RALGDS: variants seen among roughly 807,000 people sequenced by gnomAD.
The protein encoded by RALGDS is ral guanine nucleotide dissociation stimulator, also known as ral guanine nucleotide exchange factor.
Under a neutral mutation model 99.8 loss-of-function variants are expected in RALGDS, and 44 were observed. That is an observed-to-expected ratio of 0.44 (90% CI 0.35 to 0.57). The LOEUF is 0.57. Ranked by LOEUF, RALGDS falls within the 20% of genes least tolerant of loss-of-function variation. The probability of loss-of-function intolerance (pLI) is 0.01; values close to 1 mark genes in which losing one functional copy is unlikely to be tolerated. For synonymous variants in RALGDS, 529 were observed against 505.0 expected (o/e 1.05, Z -0.64); for missense variants, 1,022 against 1,203.1 (o/e 0.85, Z 2.23).
At chr9:133,106,947 G>T in intron 7 of RALGDS, 138 bp downstream of exon 7, 1 of 1,016,466 alleles carries the variant, frequency 9.8e-7, no homozygotes, top group Non-Finnish European at 1.5e-6. Flanking sequence ...TGAGCATCCA[G>T]GCAGTGGGCT....
chr9:133,123,334 C>T (rs1203921828), upstream of RALGDS, among the ~76,000 whole-genome samples: 1 of 152,178 alleles, frequency 6.6e-6, no homozygotes, highest in Non-Finnish European at 1.5e-5. Flanking sequence ...AGCGCCCACC[C>T]GTTTTATAGC....
At chr9:133,120,943 C>T in intron 1 of RALGDS, 29 bp downstream of exon 1, 1 of 1,473,386 alleles carries the variant, frequency 6.8e-7, no homozygotes, top group Non-Finnish European at 9.0e-7. Context: ...TCCGACGCAC[C>T]CCCCGCCCGA....
At chr9:133,141,006 C>T (rs564158111) in intron 1 of RALGDS, among the ~76,000 whole-genome samples, 7 of 152,290 alleles carry the variant, frequency 4.6e-5, no homozygotes, top group South Asian at 2.1e-4. Context: ...AGTGAACATA[C>T]GAGCCCAGTA....
intron 6 of RALGDS, 46 bp downstream of exon 6, chr9:133,107,942 G>T: frequency 1.2e-6 from 2 of 1,606,744 alleles, no homozygotes; most frequent in Non-Finnish European, 1.7e-6. Flanking sequence ...AGCAGATGCT[G>T]CCAGAAGGCA....
intron 8 of RALGDS, 81 bp from the exon 9 acceptor site, chr9:133,106,097 C>T (rs1831038150): frequency 9.0e-7 from 1 of 1,107,970 alleles, no homozygotes; most frequent in African/African-American, 1.6e-5. Context: ...TATTTTAGAG[C>T]TGAAAGACCC....
intron 1 of RALGDS, 31 bp downstream of exon 1, chr9:133,120,941 A>AC (rs956777386): frequency 1.0e-5 from 15 of 1,465,150 alleles, no homozygotes; most frequent in Admixed American, 4.7e-5. Context: ...GCTCCGACGC[A>AC]CCCCCCGCCC....
At position 133,108,415 on chromosome 9, in the gene RALGDS, G is replaced by A. The variant is rs1278504659; in HGVS notation, c.779-9C>T. Reference sequence around the variant, plus strand: ...TGGCACTGGTGACAGAGCTGCAAGAGGAGAAAAGTTCAACAACATGCCAGC... The same window carrying A: ...TGGCACTGGTGACAGAGCTGCAAGAAGAGAAAAGTTCAACAACATGCCAGC... On this transcript the variant is annotated splice_polypyrimidine_tract_variant and intron_variant, in intron 5 of 17. Transcript: ENST00000372050. 6.5e-7 allele frequency: 1 copy of A among 1,535,412 alleles called. No individual in the cohort carries two copies.
At chr9:133,120,428 A>ACCC (rs71378548) in intron 1 of RALGDS, among the ~76,000 whole-genome samples, 817 of 59,912 alleles carry the variant, frequency 0.014, 5 homozygotes, top group Non-Finnish European at 0.018. Context: ...CCATCCCCCG[A>ACCC]CCCCCCCCCC....
Position 133,106,582 on chromosome 9 carries a change from G to A in RALGDS, c.1517+63C>T, listed in dbSNP as rs1831069111. On this transcript the variant is annotated intron_variant, in intron 8 of 17. Transcript: ENST00000372050. ...GTGGCCTCCCATGGGCTCACTAAGG[G>A]GGTGATGCCAGCCCTGTGGGAGGTC... 1.9e-5 allele frequency: 25 copies of A among 1,291,546 alleles called. 2 individuals carry two copies. The South Asian group carries it at 3.0e-4, about 16-fold the overall frequency. 80.0% of individuals were successfully genotyped at this position (1,291,546 alleles called of 1,614,324 possible).
upstream of RALGDS, among the ~76,000 whole-genome samples, chr9:133,122,034 TGA>T (rs2119220248): frequency 6.6e-6 from 1 of 152,272 alleles, no homozygotes; most frequent in African/African-American, 2.4e-5. Context: ...AGGTTGGGGC[TGA>T]GAGGCATCTG....
rs111821340 is a variant in RALGDS at position 133,142,803 on chromosome 9, C to T, written c.18+6160G>A. 7.9e-3 allele frequency among the ~76,000 whole-genome samples: 1,198 copies of T among 152,362 alleles called. 14 individuals are homozygous for T. Among genetic ancestry groups the T allele is most frequent in the African/African-American group, 0.027 (1,129 of 41,586 alleles). On this transcript the variant is annotated intron_variant, in intron 1 of 17. Coordinates refer to the RALGDS transcript ENST00000393160. ...GCCGCCATTAACCACCACTTGGGGC[C>T]TAGGGCCTCCCAGCCCCGCCCTGCC...
chr9:133,127,652 G>A (rs751213721), intron 1 of RALGDS, among the ~76,000 whole-genome samples: 1 of 152,202 alleles, frequency 6.6e-6, no homozygotes, highest in African/African-American at 2.4e-5. Flanking sequence ...CCGGCACAGC[G>A]GGCGGGCCTG....
intron 1 of RALGDS, among the ~76,000 whole-genome samples, chr9:133,145,581 C>G (rs556248082): frequency 2.2e-4 from 34 of 152,240 alleles, no homozygotes; most frequent in African/African-American, 7.0e-4. Flanking sequence ...TGAGGGGAGA[C>G]AAGGGGCACT....
At chr9:133,104,092 G>A (rs1479390880) in intron 10 of RALGDS, among the ~76,000 whole-genome samples, 171 bp downstream of exon 10, 9 of 152,168 alleles carry the variant, frequency 5.9e-5, no homozygotes, top group South Asian at 2.1e-4. Context: ...CTGTCCTTTC[G>A]TGGCTGCAGC....
intron 2 of RALGDS, among the ~76,000 whole-genome samples, chr9:133,111,084 T>A (rs894149228): frequency 1.3e-5 from 2 of 152,030 alleles, no homozygotes; most frequent in South Asian, 4.1e-4. Context: ...AGTGAAAAAA[T>A]TTTTAAAGTA....
Position 133,121,147 on chromosome 9 carries a change from T to C in RALGDS, c.8A>G (p.Gln3Arg), listed in dbSNP as rs1316541972. 8.3e-6 allele frequency: 11 copies of C among 1,331,996 alleles called. No individual in the cohort carries two copies. The highest frequency in any genetic ancestry group is 6.4e-5 in the African/African-American group (4 of 62,972). 82.5% of individuals were successfully genotyped at this position (1,331,996 alleles called of 1,614,324 possible). Residue 3 changes from glutamine (Q) to arginine (R), a missense_variant, in exon 1 of 18, where the codon CAG (glutamine) becomes CGG (arginine). Coordinates refer to ENST00000372050, the MANE Select transcript of RALGDS (RefSeq NM_006266.4). MV[Q>R]RMWAEAAGPA... ...CCCGGCCGCCTCGGCCCACATGCGC[T>C]GCACCATGGAAGGCTCGCAGCGCGG...
chr9:133,098,637 G>T lies in RALGDS; in HGVS notation c.2695C>A (p.Leu899Ile). ...VKVKHGASST[L>I]PRMKQKGLKI... is the part of the protein sequence containing the mutation. ...AGTCCTTTCTGCTTCATGCGAGGGA[G>T]GGTGGAGCTGGCTCCGTGCTTGACC... The change falls in exon 18 of 18, where the codon CTC (leucine) becomes ATC (isoleucine). Residue 899 changes from leucine (L) to isoleucine (I), a missense_variant. Physicochemically the swap from Leu to Ile is conservative, Grantham distance 5 (BLOSUM62 2). This residue lies in a region of RALGDS where 825 missense variants were observed against 994.5 expected (regional missense o/e 0.83). Transcript: ENST00000372050. 1 of 1,614,190 alleles carries T rather than the reference G, an allele frequency of 6.2e-7. No homozygotes were observed. The highest frequency in any genetic ancestry group is 8.5e-7 in the Non-Finnish European group (1 of 1,180,036).
Position 133,100,564 on chromosome 9 carries a change from C to T in RALGDS, c.2455-182G>A, listed in dbSNP as rs569658872. On this transcript the variant is annotated intron_variant, in intron 16 of 17. Transcript: ENST00000372050. ...TCTCCTACTCCCCAAGTGAGGCCTC[C>T]GTCCTTCTGTTCCCCATGTGAGGCC... 1.5e-4 allele frequency: 225 copies of T among 1,468,490 alleles called. No individual in the cohort carries two copies. In the African/African-American group the frequency reaches 2.5e-3, roughly 16 times the overall value. 91.0% of individuals were successfully genotyped at this position (1,468,490 alleles called of 1,614,324 possible). A position where few individuals can be genotyped will look rare whatever the true frequency, so the allele number is the denominator to read the frequency against.
intron 1 of RALGDS, among the ~76,000 whole-genome samples, chr9:133,126,298 C>G (rs1300753024): frequency 6.6e-6 from 1 of 152,102 alleles, no homozygotes; most frequent in Non-Finnish European, 1.5e-5. Flanking sequence ...GCTGCACAGA[C>G]CTTTCGGAAG....
Sources: allele counts gnomAD v4.1 joint callset (sites outside exome capture counted in the v4.1 genomes callset), GRCh38; gene constraint gnomAD v4.1.1; regional missense constraint gnomAD v4.1.1; transcripts MANE v1.5; gene names NCBI Gene and HGNC (gene_info 2026-07-23, HGNC 2026-07-21).